Variants in NBEA observed in about 807,000 individuals in gnomAD.
The protein encoded by NBEA is neurobeachin, also known as lysosomal-trafficking regulator 2.
A neutral mutation model predicts 343.4 loss-of-function variants in NBEA; 44 were observed. The observed-to-expected ratio is 0.13, with a 90% CI of 0.10 to 0.16. The LOEUF (loss-of-function observed/expected upper bound fraction) is 0.16, where lower values mean the gene tolerates loss of function less well. Among genes scored for constraint, NBEA ranks in the 10% least tolerant of loss-of-function variants. The probability of loss-of-function intolerance (pLI) is 1.00; values close to 1 mark genes in which losing one functional copy is unlikely to be tolerated. For missense variants in NBEA, 2,555 were observed against 3,631.3 expected (o/e 0.70, Z 7.62); for synonymous variants, 1,175 against 1,238.7 (o/e 0.95, Z 1.08).
intron 40 of NBEA, among the ~76,000 whole-genome samples, chr13:35,463,530 T>C (rs531234385): frequency 3.9e-4 from 59 of 152,040 alleles, no homozygotes; most frequent in African/African-American, 1.3e-3. Context: ...GAGGCTGATG[T>C]GGGAGGATCC....
rs2037435714 is a variant in NBEA, at chr13:35,312,498, C to A, written c.5903+2906C>A. ...GTTGTATGCCAGCCACATGGAGGCA[C>A]AGGTCATTGGCAAAGGTCATGCCAT... is the stretch of plus-strand genomic sequence containing the variant. On this transcript the variant is annotated intron_variant, in intron 36 of 58. Transcript: ENST00000379939. Among the ~76,000 whole-genome samples, 3 of 152,134 alleles carry A rather than the reference C, an allele frequency of 2.0e-5. No individual in the cohort carries two copies. In the South Asian group the frequency reaches 6.2e-4, roughly 32 times the overall value.
intron 38 of NBEA, among the ~76,000 whole-genome samples, chr13:35,413,998 A>G (rs1374557238): frequency 1.3e-5 from 2 of 152,176 alleles, no homozygotes; most frequent in Admixed American, 6.6e-5. Flanking sequence ...TACCCATGCA[A>G]CTGTGGAGAC....
chr13:34,973,117 G>C (rs9599923), intron 1 of NBEA, among the ~76,000 whole-genome samples: 1 of 152,094 alleles, frequency 6.6e-6, no homozygotes, highest in Non-Finnish European at 1.5e-5. Context: ...CCTACCTGAA[G>C]GTATCACCAG....
At chr13:35,111,081 G>A in intron 13 of NBEA, 103 bp downstream of exon 13, 1 of 982,562 alleles carries the variant, frequency 1.0e-6, no homozygotes, top group African/African-American at 1.7e-5. Flanking sequence ...TCACTGAAAT[G>A]TTTTCTTTCT....
chr13:35,584,134 A>T, intron 46 of NBEA, 96 bp downstream of exon 46: 1 of 1,204,536 alleles, frequency 8.3e-7, no homozygotes, highest in Non-Finnish European at 1.2e-6. Context: ...TTTGATTAAC[A>T]AAGATTAGAG....
At chr13:35,183,522 G>C (rs2071461078) in intron 29 of NBEA, among the ~76,000 whole-genome samples, 1 of 151,906 alleles carries the variant, frequency 6.6e-6, no homozygotes, top group African/African-American at 2.4e-5. Flanking sequence ...TTTTGCTGTT[G>C]CATGATACAT....
At chr13:35,620,803 A>T (rs2082953031) in intron 48 of NBEA, among the ~76,000 whole-genome samples, 2 of 152,062 alleles carry the variant, frequency 1.3e-5, no homozygotes, top group Non-Finnish European at 2.9e-5. Context: ...TTAAAATTTG[A>T]GCCTATAGTC....
chr13:35,565,448 C>T (rs56244130), intron 44 of NBEA, among the ~76,000 whole-genome samples: 2 of 151,512 alleles, frequency 1.3e-5, no homozygotes, highest in Non-Finnish European at 2.9e-5. Context: ...ATGTAATTTC[C>T]TGATGATGAA....
intron 32 of NBEA, among the ~76,000 whole-genome samples, chr13:35,209,831 TAAG>T (rs2073646293): frequency 6.6e-6 from 1 of 152,214 alleles, no homozygotes; most frequent in African/African-American, 2.4e-5. Flanking sequence ...TGTACTCTAT[TAAG>T]AATATTTATA....
intron 34 of NBEA, among the ~76,000 whole-genome samples, chr13:35,282,479 C>G (rs2035119471): frequency 6.6e-6 from 1 of 151,946 alleles, no homozygotes; most frequent in African/African-American, 2.4e-5. Flanking sequence ...TCAAGGAGCT[C>G]AGAGAGAAAT....
chr13:35,242,606 A>G (rs953120532), intron 34 of NBEA, among the ~76,000 whole-genome samples: 7 of 151,898 alleles, frequency 4.6e-5, no homozygotes, highest in South Asian at 2.1e-4. Flanking sequence ...TTTTAATCCA[A>G]CTACTGAAAG....
chr13:35,295,657 T>C (rs1171927672), intron 35 of NBEA, among the ~76,000 whole-genome samples: 1 of 152,168 alleles, frequency 6.6e-6, no homozygotes, highest in African/African-American at 2.4e-5. Context: ...ACTGAAAATG[T>C]AGACATTTTA....
In NBEA at chr13:34,942,845, G is replaced by T; in HGVS notation, c.25G>T (p.Gly9Cys). The change falls in exon 1 of 59, where the codon GGC becomes TGC. Residue 9 changes from glycine (G) to cysteine (C), a missense_variant. Physicochemically the swap from Gly to Cys is radical, Grantham distance 159. Around this residue, in one of 21 missense-constraint regions of NBEA, gnomAD observed 122 missense variants for 91.0 expected, o/e 1.34. Transcript: ENST00000379939. ...AATGGCTAGCGAGAAGCCGGGCCCG[G>T]GCCCGGGGCTCGAGCCTCAGCCCGT... is the stretch of plus-strand genomic sequence containing the variant. MASEKPGP[G>C]PGLEPQPVGL... is the part of the protein sequence containing the mutation. The T allele has an allele frequency of 3.7e-6, 5 of 1,369,388 alleles. No individual in the cohort carries two copies. Among genetic ancestry groups the T allele is most frequent in the Non-Finnish European group, 4.7e-6 (5 of 1,058,878 alleles). The allele number at this position is 1,369,388 out of a possible 1,614,324, so 84.8% of individuals were successfully genotyped here. A position where few individuals can be genotyped will look rare whatever the true frequency, so the allele number is the denominator to read the frequency against.
At chr13:35,197,801 A>G (rs1209349745) in intron 31 of NBEA, among the ~76,000 whole-genome samples, 16 of 152,168 alleles carry the variant, frequency 1.1e-4, no homozygotes. Context: ...CACCTGGCCG[A>G]ATTACCCTTT....
intron 35 of NBEA, among the ~76,000 whole-genome samples, chr13:35,306,017 G>A (rs1167073579): frequency 3.3e-5 from 5 of 151,956 alleles, no homozygotes; most frequent in South Asian, 2.1e-4. Flanking sequence ...CTTTAAATTC[G>A]TATATCAAAT....
intron 1 of NBEA, among the ~76,000 whole-genome samples, chr13:35,021,026 T>C (rs1051636601): frequency 1.3e-5 from 2 of 152,212 alleles, no homozygotes; most frequent in African/African-American, 2.4e-5. Flanking sequence ...GAATTGATTT[T>C]TTTTCTTCAT....
intron 33 of NBEA, among the ~76,000 whole-genome samples, chr13:35,230,919 G>T (rs546919493): frequency 6.6e-6 from 1 of 152,048 alleles, no homozygotes; most frequent in African/African-American, 2.4e-5. Context: ...TCAGCAGTCT[G>T]GTTATACAGA....
chr13:35,139,744 GTTTTTTTTTTT>G (rs36117821), intron 17 of NBEA, among the ~76,000 whole-genome samples: 56 of 61,118 alleles, frequency 9.2e-4, no homozygotes, highest in Admixed American at 1.4e-3. Context: ...GATGGATGGC[GTTTTTTTTTTT>G]TTTTTTTTTT....
chr13:35,138,485 A>T (rs1463783679), intron 17 of NBEA, among the ~76,000 whole-genome samples: 2 of 133,400 alleles, frequency 1.5e-5, no homozygotes, highest in African/African-American at 5.7e-5. Context: ...TTCGAGATGG[A>T]GTTTTGCTCT....
Sources: allele counts gnomAD v4.1 joint callset (sites outside exome capture counted in the v4.1 genomes callset), GRCh38; gene constraint gnomAD v4.1.1; regional missense constraint gnomAD v4.1.1; transcripts MANE v1.5; gene names NCBI Gene and HGNC (gene_info 2026-07-23, HGNC 2026-07-21).